The following PHKB variants were observed in gnomAD, a reference collection of about 807,000 sequenced individuals.
The protein encoded by PHKB is phosphorylase b kinase regulatory subunit beta.
Under a neutral mutation model 152.1 loss-of-function variants are expected in PHKB, and 122 were observed. The observed-to-expected ratio is 0.80, with a 90% confidence interval of 0.69 to 0.93. The LOEUF (loss-of-function observed/expected upper bound fraction) is 0.93. Among genes scored for constraint, PHKB ranks in the 40% least tolerant of loss-of-function variants. PHKB has a pLI of 0.00. For synonymous variants in PHKB, 436 were observed against 464.9 expected (o/e 0.94, Z 0.80); for missense variants, 1,304 against 1,328.4 (o/e 0.98, Z 0.29).
intron 14 of PHKB, among the ~76,000 whole-genome samples, chr16:47,640,082 G>A (rs1228774977): frequency 6.6e-6 from 1 of 152,186 alleles, no homozygotes; most frequent in African/African-American, 2.4e-5. Flanking sequence ...CTTTGACGAT[G>A]ATTCTGGGAA....
chr16:47,476,479 A>G (rs1431786299), intron 1 of PHKB, among the ~76,000 whole-genome samples: 1 of 152,174 alleles, frequency 6.6e-6, no homozygotes, highest in Non-Finnish European at 1.5e-5. Flanking sequence ...TCATTTGCTC[A>G]ATGACCTCAA....
intron 6 of PHKB, among the ~76,000 whole-genome samples, chr16:47,522,102 G>A (rs190193247): frequency 6.4e-4 from 98 of 152,228 alleles, no homozygotes; most frequent in Non-Finnish European, 1.2e-3. Context: ...CTCCTAGGAT[G>A]GGTTAGGAAA....
chr16:47,463,909 G>A (rs1969620133), intron 1 of PHKB: 4 of 1,613,534 alleles, frequency 2.5e-6, no homozygotes, highest in East Asian at 2.2e-5. Context: ...CTTAGCCTGC[G>A]ACGCTTATGA....
At chr16:47,519,735 G>A (rs1183068039) in intron 6 of PHKB, among the ~76,000 whole-genome samples, 1 of 152,122 alleles carries the variant, frequency 6.6e-6, no homozygotes, top group Non-Finnish European at 1.5e-5. Context: ...GTGTAGGCAG[G>A]ATTTACACAA....
intron 1 of PHKB, among the ~76,000 whole-genome samples, chr16:47,496,585 TGAGATGTTTATA>T (rs1238109087): frequency 6.6e-6 from 1 of 152,208 alleles, no homozygotes; most frequent in East Asian, 1.9e-4. Context: ...ATTGTGACCT[TGAGATGTTTATA>T]ATTTCTGATT....
intron 4 of PHKB, among the ~76,000 whole-genome samples, chr16:47,507,869 T>G (rs954895938): frequency 1.3e-5 from 2 of 152,216 alleles, no homozygotes; most frequent in African/African-American, 4.8e-5. Flanking sequence ...CTTGCCGTTC[T>G]TTTCCTCCTG....
At chr16:47,655,343 G>GA (rs1253824236) in intron 20 of PHKB, among the ~76,000 whole-genome samples, 17 of 152,138 alleles carry the variant, frequency 1.1e-4, no homozygotes, top group African/African-American at 3.6e-4. Flanking sequence ...ATTTTAAGAA[G>GA]AAATCAAAAT....
intron 13 of PHKB, among the ~76,000 whole-genome samples, chr16:47,603,160 A>G (rs145726921): frequency 1.2e-4 from 18 of 152,326 alleles, no homozygotes; most frequent in African/African-American, 3.4e-4. Flanking sequence ...GACATAAGAA[A>G]CTGAGGTCTT....
Position 47,473,089 on chromosome 16 carries a change from G to A in PHKB, c.76+11663G>A, listed in dbSNP as rs532367556. ...TTGTTTGTTTTTGTTTTTGAGACAGGGTCTTGCTCTCTCACCCAGGCTGGA... is the reference window on the plus strand; with the variant it reads ...TTGTTTGTTTTTGTTTTTGAGACAGAGTCTTGCTCTCTCACCCAGGCTGGA... On this transcript the variant is annotated intron_variant, in intron 1 of 30. Transcript: ENST00000323584. Among the ~76,000 whole-genome samples, 11 of 151,272 alleles carry A rather than the reference G, an allele frequency of 7.3e-5. No homozygotes were observed. In the South Asian group the frequency reaches 2.1e-3, roughly 29 times the overall value.
intron 6 of PHKB, among the ~76,000 whole-genome samples, chr16:47,516,262 C>T (rs1409093064): frequency 6.6e-6 from 1 of 152,112 alleles, no homozygotes; most frequent in African/African-American, 2.4e-5. Flanking sequence ...TTTCATAACT[C>T]ACCCTTTGAA....
intron 13 of PHKB, chr16:47,597,966 A>G (rs1284417146): frequency 1.3e-5 from 2 of 152,040 alleles, no homozygotes; most frequent in African/African-American, 2.4e-5. Flanking sequence ...CAACTGTACA[A>G]TGTATTCTAA....
At chr16:47,575,168 A>C (rs769904800) in intron 7 of PHKB, among the ~76,000 whole-genome samples, 1 of 152,230 alleles carries the variant, frequency 6.6e-6, no homozygotes, top group Non-Finnish European at 1.5e-5. Context: ...TTGTTACACC[A>C]GTCAGAATAG....
intron 14 of PHKB, among the ~76,000 whole-genome samples, chr16:47,623,455 G>A (rs1286140332): frequency 6.7e-6 from 1 of 148,640 alleles, no homozygotes; most frequent in Non-Finnish European, 1.5e-5. Flanking sequence ...TGTATAGACA[G>A]AAGCCATTGT....
At chr16:47,591,004 G>A (rs1370483169) in intron 10 of PHKB, among the ~76,000 whole-genome samples, 1 of 152,034 alleles carries the variant, frequency 6.6e-6, no homozygotes, top group East Asian at 1.9e-4. Flanking sequence ...CTCACAGAAG[G>A]AGCTCTCTGT....
intron 6 of PHKB, chr16:47,529,967 T>C (rs751650891): frequency 6.6e-6 from 1 of 152,098 alleles, no homozygotes; most frequent in Non-Finnish European, 1.5e-5. Flanking sequence ...GCATAAAACA[T>C]ATTTGGCAAA....
chr16:47,468,384 G>C (rs552674852), intron 1 of PHKB, among the ~76,000 whole-genome samples: 2 of 152,340 alleles, frequency 1.3e-5, no homozygotes, highest in South Asian at 4.1e-4. Context: ...ACAATCCCAG[G>C]CTCACGCCTA....
At chr16:47,611,042 T>A in intron 14 of PHKB, 122 bp downstream of exon 14, 1 of 712,386 alleles carries the variant, frequency 1.4e-6, no homozygotes, top group Non-Finnish European at 2.6e-6. Context: ...TTTCTCCCTC[T>A]TCTGGTTAGT....
intron 8 of PHKB, 130 bp from the exon 9 acceptor site, chr16:47,587,538 A>G (rs1024784954): frequency 1.5e-6 from 1 of 651,528 alleles, no homozygotes; most frequent in African/African-American, 1.8e-5. Context: ...CAAAATTTAA[A>G]TCTTCTGGAA....
intron 13 of PHKB, chr16:47,597,663 T>C (rs1007560653): frequency 1.0e-4 from 15 of 149,682 alleles, no homozygotes; most frequent in African/African-American, 3.7e-4. Context: ...GAAATAGTTT[T>C]CTTTTTTCTT....
Sources: gnomAD v4.1 joint callset for allele counts (sites outside exome capture counted in the v4.1 genomes callset) on GRCh38, gnomAD v4.1.1 for gene constraint, MANE v1.5 for transcripts, NCBI Gene and HGNC (gene_info 2026-07-23, HGNC 2026-07-21) for gene names.